Variants in EDIL3 observed in about 807,000 individuals in gnomAD.
EDIL3 encodes EGF like and discoidin domains 3.
Under a neutral mutation model 67.4 loss-of-function variants are expected in EDIL3, and 37 were observed. That is an observed-to-expected ratio of 0.55 (90% CI 0.42 to 0.72). EDIL3 has a LOEUF of 0.72. EDIL3 is among the 30% of genes least tolerant of loss of function. The pLI, the probability that EDIL3 is intolerant of heterozygous loss-of-function variation, is 0.00. For synonymous variants in EDIL3, 195 were observed against 196.3 expected (o/e 0.99, Z 0.05); for missense variants, 527 against 586.3 (o/e 0.90, Z 1.04).
At chr5:84,366,691 C>T (rs1733111152) in intron 1 of EDIL3, among the ~76,000 whole-genome samples, 3 of 152,058 alleles carry the variant, frequency 2.0e-5, no homozygotes, top group African/African-American at 7.2e-5. Flanking sequence ...AGAAAGTATT[C>T]CACTAACTAC....
intron 10 of EDIL3, among the ~76,000 whole-genome samples, chr5:83,949,389 A>G (rs1422139419): frequency 2.0e-5 from 3 of 151,938 alleles, no homozygotes; most frequent in Non-Finnish European, 4.4e-5. Flanking sequence ...AAAGACAATG[A>G]TAAAGTTACA....
intron 4 of EDIL3, among the ~76,000 whole-genome samples, chr5:84,171,917 A>G (rs1171300139): frequency 1.3e-5 from 2 of 152,172 alleles, no homozygotes; most frequent in African/African-American, 4.8e-5. Flanking sequence ...GCCAAGATTG[A>G]AAACCAGAGT....
At chr5:84,278,988 T>G (rs1449770429) in intron 1 of EDIL3, among the ~76,000 whole-genome samples, 1 of 151,882 alleles carries the variant, frequency 6.6e-6, no homozygotes, top group East Asian at 1.9e-4. Flanking sequence ...ACTTTTAGCC[T>G]TGTTACCTTG....
At chr5:83,982,482 T>C (rs1012472114) in intron 9 of EDIL3, among the ~76,000 whole-genome samples, 3 of 152,128 alleles carry the variant, frequency 2.0e-5, no homozygotes, top group African/African-American at 4.8e-5. Flanking sequence ...CCTGTCTTTG[T>C]TGAGAATTTT....
At chr5:84,243,303 T>C (rs1239654185) in intron 2 of EDIL3, among the ~76,000 whole-genome samples, 1 of 152,132 alleles carries the variant, frequency 6.6e-6, no homozygotes, top group Non-Finnish European at 1.5e-5. Flanking sequence ...GAAAGCATTG[T>C]GGAAAGTAAT....
chr5:84,096,135 G>A (rs1561430090), intron 6 of EDIL3, among the ~76,000 whole-genome samples: 2 of 152,186 alleles, frequency 1.3e-5, no homozygotes, highest in Admixed American at 6.5e-5. Flanking sequence ...CTAGGGCAGT[G>A]CAGAAGGGAA....
At chr5:84,034,356 A>G (rs1175625901) in intron 9 of EDIL3, among the ~76,000 whole-genome samples, 1 of 152,194 alleles carries the variant, frequency 6.6e-6, no homozygotes, top group Non-Finnish European at 1.5e-5. Context: ...ACTGAAGGAT[A>G]TGCTGTGTGT....
intron 3 of EDIL3, among the ~76,000 whole-genome samples, chr5:84,214,160 T>A (rs1744181865): frequency 6.6e-6 from 1 of 152,214 alleles, no homozygotes; most frequent in African/African-American, 2.4e-5. Context: ...TTGCCACTGT[T>A]ACAACACCAC....
chr5:84,036,966 C>G (rs115025150), intron 9 of EDIL3, among the ~76,000 whole-genome samples: 139 of 152,292 alleles, frequency 9.1e-4, no homozygotes, highest in Middle Eastern at 6.8e-3. Flanking sequence ...CTGTGCTCCA[C>G]TTCCCAACTG....
chr5:84,212,088 C>A (rs1212528084), intron 3 of EDIL3, among the ~76,000 whole-genome samples: 1 of 152,082 alleles, frequency 6.6e-6, no homozygotes, highest in African/African-American at 2.4e-5. Context: ...TGTATGATCC[C>A]AAAGAGCATG....
intron 2 of EDIL3, among the ~76,000 whole-genome samples, chr5:84,244,700 C>T (rs542503128): frequency 2.0e-5 from 3 of 152,236 alleles, no homozygotes; most frequent in Admixed American, 6.5e-5. Context: ...GTCATTCATC[C>T]GTTAGCCCTT....
intron 1 of EDIL3, among the ~76,000 whole-genome samples, chr5:84,328,567 T>G (rs1348041318): frequency 1.3e-5 from 2 of 152,060 alleles, no homozygotes; most frequent in Non-Finnish European, 2.9e-5. Flanking sequence ...GCCTAGGGTG[T>G]CCTTATATAT....
At chr5:84,316,018 T>C (rs886548166) in intron 1 of EDIL3, among the ~76,000 whole-genome samples, 7 of 152,096 alleles carry the variant, frequency 4.6e-5, no homozygotes, top group Non-Finnish European at 7.4e-5. Context: ...CTAAGCTTCA[T>C]AAGTGAAGGA....
chr5:84,222,971 C>A (rs1205001237), intron 3 of EDIL3, among the ~76,000 whole-genome samples: 1 of 151,766 alleles, frequency 6.6e-6, no homozygotes, highest in Admixed American at 6.6e-5. Flanking sequence ...TGTGCAGAAG[C>A]TTTTTAGACT....
At chr5:84,223,342 T>C (rs1744385404) in intron 3 of EDIL3, among the ~76,000 whole-genome samples, 2 of 151,760 alleles carry the variant, frequency 1.3e-5, no homozygotes, top group Non-Finnish European at 3.0e-5. Flanking sequence ...ACTCCCATGT[T>C]CACTGCAGCA....
chr5:83,947,006 C>T (rs747626984), intron 10 of EDIL3, among the ~76,000 whole-genome samples: 15 of 151,772 alleles, frequency 9.9e-5, no homozygotes, highest in Non-Finnish European at 2.1e-4. Flanking sequence ...GATAGATTCC[C>T]TATGGCTAAA....
chr5:84,199,576 C>T (rs1743787733), intron 3 of EDIL3, among the ~76,000 whole-genome samples: 1 of 151,976 alleles, frequency 6.6e-6, no homozygotes, highest in Non-Finnish European at 1.5e-5. Context: ...TTGGATGGAG[C>T]ATACCAACAA....
intron 4 of EDIL3, among the ~76,000 whole-genome samples, chr5:84,137,847 A>G (rs1290532148): frequency 6.6e-6 from 1 of 152,254 alleles, no homozygotes; most frequent in Non-Finnish European, 1.5e-5. Context: ...GAAGCAAATT[A>G]GAGTTAATAG....
At chr5:84,051,258 T>G (rs1746331299) in intron 9 of EDIL3, among the ~76,000 whole-genome samples, 1 of 152,150 alleles carries the variant, frequency 6.6e-6, no homozygotes, top group South Asian at 2.1e-4. Flanking sequence ...GGGTCCTGAA[T>G]GTTAAAAGGA....
Sources: gnomAD v4.1 joint callset for allele counts (sites outside exome capture counted in the v4.1 genomes callset) on GRCh38, gnomAD v4.1.1 for gene constraint, MANE v1.5 for transcripts, NCBI Gene and HGNC (gene_info 2026-07-23, HGNC 2026-07-21) for gene names.